The following UGT1A6 variants were observed in gnomAD, a reference collection of about 807,000 sequenced individuals.
UGT1A6 encodes UDP glucuronosyltransferase family 1 member A6, also known as UDP-glucuronosyltransferase 1A6.
Under a neutral mutation model 44.4 loss-of-function variants are expected in UGT1A6, and 32 were observed. The ratio of observed to expected loss-of-function variants is 0.72; its 90% confidence interval spans 0.54 to 0.97. The LOEUF is 0.97. Among genes scored for constraint, UGT1A6 ranks in the 50% least tolerant of loss-of-function variants. The pLI is 0.00. For synonymous variants in UGT1A6, 238 were observed against 248.5 expected, an observed-to-expected ratio of 0.96 and a Z score of 0.40; for missense variants, 685 against 661.9, an observed-to-expected ratio of 1.03 and a Z score of -0.38.
intron 1 of UGT1A6, among the ~76,000 whole-genome samples, chr2:233,736,484 A>T (rs1388526766): frequency 6.6e-6 from 1 of 152,156 alleles, no homozygotes; most frequent in Admixed American, 6.5e-5. Context: ...GAGGTTTGTT[A>T]CTACCAAACT....
intron 4 of UGT1A6, chr2:233,770,180 T>C (rs1257391797): frequency 6.6e-6 from 1 of 152,250 alleles, no homozygotes; most frequent in Non-Finnish European, 1.5e-5. Context: ...CTCAACTTAT[T>C]AACTAACTTT....
At position 233,766,963 on chromosome 2, in the gene UGT1A6, C is replaced by T. The variant is rs1348072770; in HGVS notation, c.862-71C>T. On this transcript the variant is annotated intron_variant, in intron 1 of 4. Transcript: ENST00000305139. ...AGTCTTAAGAGGAAGATATCTAATT[C>T]ATAACTTACTGTATGTAGTCATCAA... is the stretch of plus-strand genomic sequence containing the variant. 3.4e-5 allele frequency: 54 copies of T among 1,607,648 alleles called. No individual in the cohort carries two copies. In the South Asian group the frequency reaches 3.5e-4, roughly 10 times the overall value.
chr2:233,760,811 T>G (rs72551341), intron 1 of UGT1A6: 1 of 1,613,198 alleles, frequency 6.2e-7, no homozygotes, highest in South Asian at 1.1e-5. Context: ...TTGCATGCAC[T>G]GCCATGCAGC....
chr2:233,760,356 G>A (rs1414123680), intron 1 of UGT1A6: 1 of 1,613,940 alleles, frequency 6.2e-7, no homozygotes, highest in Non-Finnish European at 8.5e-7. Context: ...TGGGCCCAGT[G>A]GTGTCCCATG....
chr2:233,699,831 A>C (rs2075527106), intron 1 of UGT1A6, among the ~76,000 whole-genome samples: 1 of 152,178 alleles, frequency 6.6e-6, no homozygotes, highest in Non-Finnish European at 1.5e-5. Flanking sequence ...CTCAAATAGA[A>C]CTAATTTTTC....
rs562393404 is a variant in UGT1A6 at position 233,695,404 on chromosome 2, G to A, written c.861+1539G>A. 3.3e-5 allele frequency among the ~76,000 whole-genome samples: 5 copies of A among 150,554 alleles called. No individual in the cohort carries two copies. The East Asian group carries it at 7.7e-4, about 23-fold the overall frequency. ...CTCCCAAAGTGCTGGGATTACAGGC[G>A]TGAGCTACCGCGCCCGGCCTTCTTC... On this transcript the variant is annotated intron_variant, in intron 1 of 4. Coordinates refer to ENST00000305139, the MANE Select transcript of UGT1A6 (RefSeq NM_001072.4).
chr2:233,700,300 T>C (rs777696767), intron 1 of UGT1A6, among the ~76,000 whole-genome samples: 9 of 152,238 alleles, frequency 5.9e-5, no homozygotes, highest in Non-Finnish European at 1.0e-4. Context: ...CTTAGGCCAA[T>C]GTCTACAATG....
intron 1 of UGT1A6, chr2:233,739,100 G>C (rs1263190228): frequency 6.6e-6 from 1 of 152,274 alleles, no homozygotes; most frequent in African/African-American, 2.4e-5. Context: ...TCGATGTGGT[G>C]TTGGGCCTGC....
intron 1 of UGT1A6, among the ~76,000 whole-genome samples, chr2:233,699,953 G>A (rs1257269437): frequency 1.3e-5 from 2 of 152,194 alleles, no homozygotes; most frequent in Admixed American, 6.5e-5. Flanking sequence ...TACAATGTGT[G>A]AAAAATACCC....
intron 1 of UGT1A6, among the ~76,000 whole-genome samples, chr2:233,710,236 G>A (rs1321260776): frequency 1.3e-5 from 2 of 152,146 alleles, no homozygotes; most frequent in African/African-American, 2.4e-5. Context: ...ATGACTATTC[G>A]AGTACGAGTG....
At chr2:233,762,499 T>G (rs1698093030) in intron 1 of UGT1A6, among the ~76,000 whole-genome samples, 1 of 152,234 alleles carries the variant, frequency 6.6e-6, no homozygotes, top group African/African-American at 2.4e-5. Context: ...GCTATTACTT[T>G]TTAAACTATG....
At position 233,772,501 on chromosome 2, in the gene UGT1A6, G is replaced by T. The variant is rs778667717; in HGVS notation, c.1541G>T (p.Arg514Leu). 1.3e-5 allele frequency: 21 copies of T among 1,614,038 alleles called. No homozygotes were observed. In the African/African-American group the frequency reaches 2.5e-4, roughly 19 times the overall value. The change falls in exon 5 of 5, where the codon CGG (arginine) becomes CTG (leucine). Residue 514 changes from arginine to leucine, a missense_variant. By Grantham distance (102) the Arg-to-Leu change is moderately radical. Coordinates refer to ENST00000305139, the MANE Select transcript of UGT1A6 (RefSeq NM_001072.4). ...ITFKCCAYGY[R>L]KCLGKKGRVK... Reference sequence around the variant, plus strand: ...TTTAAATGTTGTGCTTATGGCTACCGGAAATGCTTGGGGAAAAAAGGGCGA... The same window carrying T: ...TTTAAATGTTGTGCTTATGGCTACCTGAAATGCTTGGGGAAAAAAGGGCGA...
chr2:233,711,423 C>G (rs2076180773), intron 1 of UGT1A6, among the ~76,000 whole-genome samples: 1 of 152,194 alleles, frequency 6.6e-6, no homozygotes. Context: ...CAGGAGGGTG[C>G]TTAGGATGCA....
intron 1 of UGT1A6, among the ~76,000 whole-genome samples, chr2:233,705,549 T>C (rs966498123): frequency 3.9e-5 from 6 of 152,104 alleles, no homozygotes; most frequent in Non-Finnish European, 8.8e-5. Flanking sequence ...GAGCAGCTGG[T>C]GATATTGCTT....
rs546323978 is a variant in UGT1A6, at chr2:233,743,185, G to C, written c.862-23849G>C. On this transcript the variant is annotated intron_variant, in intron 1 of 4. Transcript: ENST00000305139. ...TGTGCTTAAAGTCAAATGTGGACTG[G>C]AATTACTTGGTGTCAATGCGGAGTA... 3 of 372,746 alleles carry C rather than the reference G, an allele frequency of 8.0e-6. No homozygotes were observed. The East Asian group carries it at 2.2e-4, about 27-fold the overall frequency. The allele number at this position is 372,746 out of a possible 1,614,324, so 23.1% of individuals were successfully genotyped here.
At chr2:233,738,589 T>A (rs765619783) in intron 1 of UGT1A6, among the ~76,000 whole-genome samples, 10 of 152,236 alleles carry the variant, frequency 6.6e-5, no homozygotes, top group Admixed American at 1.3e-4. Flanking sequence ...CAAAGGTCAC[T>A]CTTGCTAAGC....
In UGT1A6 at chr2:233,729,555, T is replaced by C. The variant is rs549256144; in HGVS notation, c.861+35690T>C. 30 of 1,614,208 alleles carry C rather than the reference T, an allele frequency of 1.9e-5. No homozygotes were observed. In the South Asian group the frequency reaches 3.0e-4, roughly 16 times the overall value. On this transcript the variant is annotated intron_variant, in intron 1 of 4. Coordinates refer to ENST00000305139, the MANE Select transcript of UGT1A6 (RefSeq NM_001072.4). The stretch of plus-strand genomic sequence containing the variant: ...AGGCCCTGATCAGGCACCTGAATGC[T>C]ACTTCCTTTGATGTGGTTTTAACAG...
At chr2:233,706,181 G>A (rs1050859033) in intron 1 of UGT1A6, among the ~76,000 whole-genome samples, 7 of 152,212 alleles carry the variant, frequency 4.6e-5, no homozygotes, top group African/African-American at 1.4e-4. Context: ...TGGTGTGTCT[G>A]CCCAGGCTGC....
At chr2:233,735,563 C>T (rs530958068) in intron 1 of UGT1A6, among the ~76,000 whole-genome samples, 4 of 152,230 alleles carry the variant, frequency 2.6e-5, no homozygotes, top group East Asian at 1.9e-4. Flanking sequence ...ATGGTGTTAT[C>T]GGGTTATTTT....
Sources: gnomAD v4.1 joint callset for allele counts (sites outside exome capture counted in the v4.1 genomes callset) on GRCh38, gnomAD v4.1.1 for gene constraint, MANE v1.5 for transcripts, NCBI Gene and HGNC (gene_info 2026-07-23, HGNC 2026-07-21) for gene names.